PKN2: variants seen among roughly 807,000 people sequenced by gnomAD.
PKN2 encodes the protein protein kinase N2, also known as serine/threonine-protein kinase N2.
Under a neutral mutation model 119.1 loss-of-function variants are expected in PKN2, and 38 were observed. The observed-to-expected ratio is 0.32, with a 90% CI of 0.25 to 0.42. The LOEUF (loss-of-function observed/expected upper bound fraction) is 0.42, where lower values mean the gene tolerates loss of function less well. PKN2 is among the 10% of genes least tolerant of loss of function. The probability of loss-of-function intolerance (pLI) is 1.00; values close to 1 mark genes in which losing one functional copy is unlikely to be tolerated. For synonymous variants in PKN2, 390 were observed against 384.9 expected (o/e 1.01, Z -0.15); for missense variants, 850 against 1,165.1 (o/e 0.73, Z 3.94).
intron 2 of PKN2, among the ~76,000 whole-genome samples, chr1:88,744,820 A>G (rs929102699): frequency 5.9e-5 from 9 of 152,228 alleles, no homozygotes; most frequent in African/African-American, 1.4e-4. Context: ...TTTAAACTAT[A>G]AAACTCTGAA....
chr1:88,694,160 A>C (rs994296911), intron 1 of PKN2, among the ~76,000 whole-genome samples: 1 of 152,190 alleles, frequency 6.6e-6, no homozygotes, highest in Non-Finnish European at 1.5e-5. Flanking sequence ...GAGTGCACAC[A>C]TCTTGGTGTT....
intron 6 of PKN2, among the ~76,000 whole-genome samples, chr1:88,783,521 T>G (rs1670440097): frequency 6.6e-6 from 1 of 152,220 alleles, no homozygotes; most frequent in African/African-American, 2.4e-5. Context: ...TTGTTACTAC[T>G]TGGATAGAAA....
At chr1:88,726,271 A>G (rs1449129607) in intron 1 of PKN2, among the ~76,000 whole-genome samples, 2 of 152,126 alleles carry the variant, frequency 1.3e-5, no homozygotes, top group African/African-American at 4.8e-5. Context: ...CTTGGGGAAA[A>G]GCATTTAGTT....
intron 16 of PKN2, among the ~76,000 whole-genome samples, chr1:88,820,982 T>A (rs1672265766): frequency 6.6e-6 from 1 of 152,192 alleles, no homozygotes; most frequent in South Asian, 2.1e-4. Flanking sequence ...CAAGAATTAT[T>A]CTCTCTCGAC....
chr1:88,686,214 A>G (rs545879608), intron 1 of PKN2, among the ~76,000 whole-genome samples: 2 of 152,272 alleles, frequency 1.3e-5, no homozygotes, highest in South Asian at 4.1e-4. Context: ...GTCTTGAACC[A>G]TGAAAAACAT....
intron 2 of PKN2, among the ~76,000 whole-genome samples, chr1:88,754,589 G>A (rs1236277263): frequency 6.6e-6 from 1 of 152,190 alleles, no homozygotes; most frequent in African/African-American, 2.4e-5. Context: ...CACAGAATTT[G>A]ACAAGGAAAA....
At chr1:88,694,048 C>T (rs995072239) in intron 1 of PKN2, among the ~76,000 whole-genome samples, 3 of 152,174 alleles carry the variant, frequency 2.0e-5, no homozygotes, top group South Asian at 2.1e-4. Context: ...CAAATAACTG[C>T]GTCCCTACAT....
intron 1 of PKN2, among the ~76,000 whole-genome samples, chr1:88,710,663 C>T (rs1354362591): frequency 6.6e-6 from 1 of 151,984 alleles, no homozygotes; most frequent in East Asian, 1.9e-4. Context: ...CAGATGCTGT[C>T]GAGGTGGAGA....
chr1:88,820,967 C>T (rs1343895498), intron 16 of PKN2, among the ~76,000 whole-genome samples: 5 of 152,140 alleles, frequency 3.3e-5, no homozygotes, highest in Non-Finnish European at 7.4e-5. Flanking sequence ...CATGGTCCTG[C>T]GCCTCAAGAA....
chr1:88,778,596 T>G (rs559546595), intron 6 of PKN2, among the ~76,000 whole-genome samples: 1 of 152,366 alleles, frequency 6.6e-6, no homozygotes, highest in Non-Finnish European at 1.5e-5. Context: ...TTTCTTTGGC[T>G]TTTCTATTGT....
intron 1 of PKN2, among the ~76,000 whole-genome samples, chr1:88,729,035 C>T (rs1270565298): frequency 6.6e-6 from 1 of 151,816 alleles, no homozygotes; most frequent in Non-Finnish European, 1.5e-5. Flanking sequence ...GCTGGGATTA[C>T]AGGCATGTGC....
intron 2 of PKN2, 67 bp downstream of exon 2, chr1:88,741,355 T>C: frequency 5.6e-6 from 6 of 1,077,400 alleles, no homozygotes; most frequent in Non-Finnish European, 7.5e-6. Context: ...TTTTAGAAAA[T>C]AGTAAGTTTG....
At chr1:88,788,492 C>CTGGAG (rs1670676851) in intron 8 of PKN2, among the ~76,000 whole-genome samples, 1 of 151,714 alleles carries the variant, frequency 6.6e-6, no homozygotes, top group African/African-American at 2.4e-5. Flanking sequence ...GTTGCCCAGG[C>CTGGAG]TGGAGTGCAA....
chr1:88,825,927 G>A (rs17130625), intron 18 of PKN2, among the ~76,000 whole-genome samples: 16,975 of 152,086 alleles, frequency 0.11, 1,972 homozygotes, highest in African/African-American at 0.3. Context: ...CTTATAGTCT[G>A]TGTCCCTCTA....
intron 1 of PKN2, among the ~76,000 whole-genome samples, chr1:88,736,338 A>G (rs1302921408): frequency 1.3e-5 from 2 of 151,996 alleles, no homozygotes; most frequent in Admixed American, 6.6e-5. Flanking sequence ...GTTGCATGAA[A>G]TTATGGTTCC....
chr1:88,746,739 A>G (rs1466874393), intron 2 of PKN2, among the ~76,000 whole-genome samples: 2 of 152,188 alleles, frequency 1.3e-5, no homozygotes, highest in African/African-American at 4.8e-5. Context: ...TTTACAATCC[A>G]GCAATTCCTC....
intron 1 of PKN2, among the ~76,000 whole-genome samples, chr1:88,732,871 A>G (rs1281745868): frequency 1.3e-5 from 2 of 152,180 alleles, no homozygotes; most frequent in African/African-American, 4.8e-5. Flanking sequence ...GACAACGTGA[A>G]TGTACCTAGA....
At chr1:88,823,528 C>A (rs931835254) in intron 17 of PKN2, among the ~76,000 whole-genome samples, 13 of 151,364 alleles carry the variant, frequency 8.6e-5, no homozygotes, top group Non-Finnish European at 1.8e-4. Context: ...ATGGTGAAAA[C>A]CCATCTCTAC....
intron 9 of PKN2, 142 bp from the exon 10 acceptor site, chr1:88,804,704 C>T (rs56291146): frequency 2.7e-6 from 2 of 748,986 alleles, no homozygotes; most frequent in East Asian, 5.4e-5. Flanking sequence ...AATTATTCTT[C>T]CTATGTCTGT....
Sources: gnomAD v4.1 joint callset for allele counts (sites outside exome capture counted in the v4.1 genomes callset) on GRCh38, gnomAD v4.1.1 for gene constraint, MANE v1.5 for transcripts, NCBI Gene and HGNC (gene_info 2026-07-23, HGNC 2026-07-21) for gene names.